Variants in ELN observed in about 807,000 individuals in gnomAD.
ELN encodes the protein tropoelastin.
ELN carries 65 observed loss-of-function variants against 105.8 expected under a neutral mutation model. That is an observed-to-expected ratio of 0.61 (90% CI 0.50 to 0.75). ELN has a LOEUF of 0.75. ELN is among the 30% of genes least tolerant of loss of function. The pLI is 0.00. For missense variants in ELN, 882 were observed against 969.4 expected (o/e 0.91, Z 1.20); for synonymous variants, 368 against 389.2 (o/e 0.95, Z 0.64).
rs1797223062 is a variant in ELN at position 74,063,640 on chromosome 7, G to C, written c.1938G>C (p.Gly646=). 6.2e-7 allele frequency: 1 copy of C among 1,614,070 alleles called. No individual in the cohort carries two copies. Among genetic ancestry groups the C allele is most frequent in the African/African-American group, 1.3e-5 (1 of 74,918 alleles). The change falls in exon 29 of 33, where the codon GGG becomes GGC. Residue 646 remains glycine, a synonymous_variant. Coordinates refer to ENST00000252034, the MANE Select transcript of ELN (RefSeq NM_000501.4). The surrounding 1 kb of genome is among the most constrained non-coding windows in gnomAD (Gnocchi z 4.1). ...AAQFGLVGAA[G]LGGLGVGGLG... is the part of the protein sequence containing the mutation. ...CCACAGGCCTAGTGGGAGCCGCTGG[G>C]CTCGGAGGACTCGGAGTCGGAGGGC...
chr7:74,056,527 C>A, intron 20 of ELN, 92 bp downstream of exon 20: 2 of 1,604,690 alleles, frequency 1.2e-6, no homozygotes, highest in Admixed American at 1.7e-5. Context: ...GACTGTAGAT[C>A]GGGCTTGAAT....
chr7:74,055,719 A>G (rs1285469286), intron 19 of ELN, among the ~76,000 whole-genome samples: 1 of 151,782 alleles, frequency 6.6e-6, no homozygotes, highest in Admixed American at 6.6e-5. Flanking sequence ...GACTCAAATG[A>G]TCCACCTGCC....
chr7:74,055,111 C>T (rs1794956791), intron 19 of ELN, among the ~76,000 whole-genome samples: 1 of 152,238 alleles, frequency 6.6e-6, no homozygotes, highest in African/African-American at 2.4e-5. Context: ...TCCCGAAGTG[C>T]TCAGAGAGGA....
intron 17 of ELN, 164 bp from the exon 18 acceptor site, chr7:74,052,999 G>T: frequency 1.0e-6 from 1 of 973,280 alleles, no homozygotes. Flanking sequence ...GACCCTCTTA[G>T]TCTCTCCACA....
intron 21 of ELN, 197 bp from the exon 22 acceptor site, chr7:74,057,443 T>A (rs1563842180): frequency 6.5e-7 from 1 of 1,535,682 alleles, no homozygotes; most frequent in Non-Finnish European, 8.7e-7. Flanking sequence ...CAGTCCCAGG[T>A]GTGCCGGGCA....
chr7:74,039,300 A>G (rs571407441), intron 4 of ELN, among the ~76,000 whole-genome samples: 1 of 152,328 alleles, frequency 6.6e-6, no homozygotes. Context: ...TCCAAAGGAA[A>G]GTCAGAGCAT....
intron 17 of ELN, chr7:74,052,915 G>T: frequency 1.8e-6 from 1 of 565,688 alleles, no homozygotes. Flanking sequence ...GAGAAAGGAA[G>T]GAAAGAAAAG....
intron 18 of ELN, 102 bp downstream of exon 18, chr7:74,053,411 A>G (rs1373242534): frequency 1.3e-6 from 2 of 1,541,156 alleles, no homozygotes; most frequent in Non-Finnish European, 1.7e-6. Context: ...TCTCCCTAAC[A>G]CCATAACCAT....
Position 74,065,413 on chromosome 7 carries a change from G to A in ELN, c.1994-281G>A, listed in dbSNP as rs576177653. Among the ~76,000 whole-genome samples, 11 of 151,774 alleles carry A rather than the reference G, an allele frequency of 7.2e-5. No individual in the cohort carries two copies. In the South Asian group the frequency reaches 1.5e-3, roughly 20 times the overall value. On this transcript the variant is annotated intron_variant, in intron 29 of 32. Transcript: ENST00000252034. ...GTGGATCACCTGAGGTCAGGAGTTC[G>A]CGACCAGCCTGGCCAACATGGTGAA...
chr7:74,033,718 G>C (rs996431216), intron 1 of ELN, among the ~76,000 whole-genome samples: 23 of 152,346 alleles, frequency 1.5e-4, no homozygotes, highest in African/African-American at 4.8e-4. Context: ...GCTGTGCAGC[G>C]TCGCCAGGCC....
chr7:74,039,839 G>A (rs1422425798), intron 4 of ELN, among the ~76,000 whole-genome samples: 3 of 152,202 alleles, frequency 2.0e-5, no homozygotes, highest in Non-Finnish European at 4.4e-5. Flanking sequence ...AAGCCTCATC[G>A]GAGAGGCAAA....
At chr7:74,061,180 A>G (rs199469620) in intron 26 of ELN, 41 bp downstream of exon 26, 1,525 of 1,613,550 alleles carry the variant, frequency 9.5e-4, no homozygotes, top group Non-Finnish European at 1.2e-3. Flanking sequence ...CCTTGCCACC[A>G]CACCATCCCT....
In ELN at chr7:74,061,584, G is replaced by C. The variant is rs571571521; in HGVS notation, c.1786+445G>C. On this transcript the variant is annotated intron_variant, in intron 26 of 32. Transcript: ENST00000252034. The stretch of plus-strand genomic sequence containing the variant: ...GGAGAATCGCTTGAACCCAGGAGAT[G>C]GAGGTTGCAGTGAGCCGAGATCACG... 2.6e-5 allele frequency among the ~76,000 whole-genome samples: 4 copies of C among 152,242 alleles called. 1 individual carries two copies. The highest frequency in any genetic ancestry group is 9.6e-5 in the African/African-American group (4 of 41,528).
chr7:74,053,471 G>A (rs1554677672), intron 18 of ELN, among the ~76,000 whole-genome samples, 162 bp downstream of exon 18: 1 of 152,014 alleles, frequency 6.6e-6, no homozygotes. Flanking sequence ...TCTTCCTTGG[G>A]CTATACCAAT....
rs782279081 is a variant in ELN, at chr7:74,060,185, G to A, written c.1621+1G>A. On this transcript the variant is annotated splice_donor_variant, in intron 24 of 32. Transcript: ENST00000252034. LOFTEE classifies it high-confidence loss of function. ...AAGGTGGCTGCCAAAGCCCAGCTCC[G>A]TGAGTGCCTCGCCCACCTTTCTCTC... 2.5e-5 allele frequency: 41 copies of A among 1,613,932 alleles called. No homozygotes were observed. The highest frequency in any genetic ancestry group is 5.5e-5 in the South Asian group (5 of 91,082).
intron 12 of ELN, 44 bp downstream of exon 12, chr7:74,046,811 T>G: frequency 6.2e-7 from 1 of 1,608,996 alleles, no homozygotes; most frequent in Non-Finnish European, 8.5e-7. Context: ...CGGCCGGGTG[T>G]GGTGGTTCAC....
At chr7:74,037,680 A>C (rs782264874) in intron 3 of ELN, 27 bp from the exon 4 acceptor site, 1 of 1,609,438 alleles carries the variant, frequency 6.2e-7, no homozygotes, top group South Asian at 1.1e-5. Context: ...GGGCCACCCC[A>C]TTCACTATCT....
At chr7:74,065,571 G>C in intron 29 of ELN, 123 bp from the exon 30 acceptor site, 1 of 1,167,900 alleles carries the variant, frequency 8.6e-7, no homozygotes, top group Non-Finnish European at 1.2e-6. Flanking sequence ...CCGGGATCGC[G>C]CCACTGCACT....
chr7:74,046,116 C>T lies in ELN; in HGVS notation c.542-72C>T, dbSNP rs374891046. ...AAGAACTGGCCATTCCTTGGGCCTCCTGGCCCCTTGGTGCTGTCTGGCCCA... is the reference window on the plus strand; with the variant it reads ...AAGAACTGGCCATTCCTTGGGCCTCTTGGCCCCTTGGTGCTGTCTGGCCCA... On this transcript the variant is annotated intron_variant, in intron 10 of 32. Coordinates refer to ENST00000252034, the MANE Select transcript of ELN (RefSeq NM_000501.4). 7 of 1,601,372 alleles carry T rather than the reference C, an allele frequency of 4.4e-6. No individual in the cohort carries two copies. The East Asian group carries it at 1.6e-4, about 36-fold the overall frequency.
Sources: allele counts gnomAD v4.1 joint callset (sites outside exome capture counted in the v4.1 genomes callset), GRCh38; gene constraint gnomAD v4.1.1; non-coding constraint Gnocchi (gnomAD v3.1); transcripts MANE v1.5; gene names NCBI Gene and HGNC (gene_info 2026-07-23, HGNC 2026-07-21).